CHN2: variants seen among roughly 807,000 people sequenced by gnomAD.
The protein encoded by CHN2 is chimerin 2.
CHN2 carries 35 observed loss-of-function variants against 56.3 expected under a neutral mutation model. The observed-to-expected ratio is 0.62, with a 90% CI of 0.47 to 0.82. The LOEUF (loss-of-function observed/expected upper bound fraction) is 0.82. Ranked by LOEUF, CHN2 falls within the 40% of genes least tolerant of loss-of-function variation. The pLI is 0.00. For missense variants in CHN2, 491 were observed against 580.5 expected, an observed-to-expected ratio of 0.85 and a Z score of 1.58; for synonymous variants, 210 against 212.8, an observed-to-expected ratio of 0.99 and a Z score of 0.12.
chr7:29,380,800 C>T (rs1800440701), intron 3 of CHN2: 1 of 152,024 alleles, frequency 6.6e-6, no homozygotes, highest in Non-Finnish European at 1.5e-5. Context: ...GCTCTTTGGG[C>T]TTAAAAGGTA....
intron 1 of CHN2, among the ~76,000 whole-genome samples, chr7:29,345,441 G>A (rs148045531): frequency 5.5e-4 from 84 of 152,280 alleles, no homozygotes; most frequent in African/African-American, 1.8e-3. Flanking sequence ...TCTCTGAGGA[G>A]CCAGAGCATT....
At chr7:29,231,425 C>T (rs1190272580) in intron 1 of CHN2, among the ~76,000 whole-genome samples, 3 of 152,284 alleles carry the variant, frequency 2.0e-5, no homozygotes, top group Admixed American at 6.5e-5. Flanking sequence ...GTCTTATCTA[C>T]GTATCTGTCT....
At chr7:29,425,345 C>T (rs1016109725) in intron 6 of CHN2, among the ~76,000 whole-genome samples, 4 of 152,150 alleles carry the variant, frequency 2.6e-5, no homozygotes, top group Admixed American at 6.5e-5. Context: ...AGCTGAGTCC[C>T]GGAGGGAGGA....
chr7:29,374,867 T>C lies in CHN2; in HGVS notation c.144+6880T>C, dbSNP rs372560574. 5.0e-3 allele frequency among the ~76,000 whole-genome samples: 624 copies of C among 125,280 alleles called. 4 individuals carry two copies. Among genetic ancestry groups the C allele is most frequent in the African/African-American group, 0.016 (550 of 35,368 alleles). The allele number at this position is 125,280 out of a possible 152,430, so 82.2% of individuals were successfully genotyped here. On this transcript the variant is annotated intron_variant, in intron 3 of 12. Transcript: ENST00000222792. ...TTCCTTCCTGCCTCCCTCCCTCCCT[T>C]TCTCCCTTTCTCCCTTTCTCTCTTT...
chr7:29,398,548 AT>A, intron 5 of CHN2, 62 bp downstream of exon 5: 1 of 1,011,658 alleles, frequency 9.9e-7, no homozygotes, highest in Non-Finnish European at 1.6e-6. Context: ...ATGTTTGCCC[AT>A]TTTTAAGAAT....
intron 3 of CHN2, among the ~76,000 whole-genome samples, chr7:29,370,584 G>A (rs1488649904): frequency 6.6e-6 from 1 of 151,950 alleles, no homozygotes; most frequent in South Asian, 2.1e-4. Context: ...CCCTAGCGTG[G>A]TAGCTCCAGT....
intron 6 of CHN2, among the ~76,000 whole-genome samples, chr7:29,416,589 G>A (rs1438290311): frequency 6.6e-6 from 1 of 152,160 alleles, no homozygotes; most frequent in East Asian, 1.9e-4. Context: ...TAGTACAGTA[G>A]GTGTGACCAG....
chr7:29,186,991 A>C (rs775991661), intron 2 of CHN2, among the ~76,000 whole-genome samples: 4 of 152,246 alleles, frequency 2.6e-5, no homozygotes, highest in Non-Finnish European at 5.9e-5. Flanking sequence ...AAATGAGGAT[A>C]ACAATTCTCA....
chr7:29,325,337 C>T (rs920907599), intron 1 of CHN2, among the ~76,000 whole-genome samples: 9 of 152,194 alleles, frequency 5.9e-5, no homozygotes, highest in Non-Finnish European at 1.0e-4. Flanking sequence ...TAGATGTTTT[C>T]GTCCTACCCA....
At chr7:29,398,275 C>T (rs1022200930) in intron 4 of CHN2, 98 bp from the exon 5 acceptor site, 4 of 882,982 alleles carry the variant, frequency 4.5e-6, no homozygotes, top group Middle Eastern at 2.4e-4. Flanking sequence ...GTGGGGCTGT[C>T]GATTCTGGGT....
chr7:29,252,089 C>T (rs1788565024), intron 1 of CHN2, among the ~76,000 whole-genome samples: 1 of 151,972 alleles, frequency 6.6e-6, no homozygotes, highest in South Asian at 2.1e-4. Flanking sequence ...GAATAATGTC[C>T]CCCCAAATTT....
At chr7:29,441,330 T>C (rs1783631954) in intron 6 of CHN2, among the ~76,000 whole-genome samples, 1 of 152,014 alleles carries the variant, frequency 6.6e-6, no homozygotes, top group African/African-American at 2.4e-5. Flanking sequence ...AACAACCTAA[T>C]ATTGGAGTGA....
At chr7:29,396,209 G>A (rs1479508242) in intron 4 of CHN2, among the ~76,000 whole-genome samples, 4 of 152,068 alleles carry the variant, frequency 2.6e-5, no homozygotes, top group African/African-American at 7.2e-5. Flanking sequence ...TTGGGAGACC[G>A]AGGCGGGTTG....
At chr7:29,380,576 C>T (rs1405148348) in intron 3 of CHN2, among the ~76,000 whole-genome samples, 1 of 152,182 alleles carries the variant, frequency 6.6e-6, no homozygotes, top group Admixed American at 6.5e-5. Context: ...AAAAAAGTAA[C>T]TTCTGGGAGA....
intron 2 of CHN2, among the ~76,000 whole-genome samples, chr7:29,357,594 G>C (rs1798407990): frequency 6.6e-6 from 1 of 152,188 alleles, no homozygotes; most frequent in African/African-American, 2.4e-5. Flanking sequence ...GTACAATCTA[G>C]TCAAGGAGAC....
At chr7:29,414,209 C>T (rs1395822792) in intron 6 of CHN2, among the ~76,000 whole-genome samples, 9 of 152,140 alleles carry the variant, frequency 5.9e-5, no homozygotes, top group Admixed American at 5.9e-4. Flanking sequence ...TGATGTTACC[C>T]TCCTGAAGGT....
chr7:29,270,677 TAA>T (rs1299415962), intron 1 of CHN2, among the ~76,000 whole-genome samples: 13 of 33,428 alleles, frequency 3.9e-4, no homozygotes, highest in South Asian at 1.3e-3. Context: ...AAAATAATAA[TAA>T]AATAAAAAAT....
intron 3 of CHN2, among the ~76,000 whole-genome samples, chr7:29,391,018 A>C (rs1469448853): frequency 1.1e-4 from 16 of 152,202 alleles, no homozygotes; most frequent in Non-Finnish European, 2.9e-5. Context: ...GACTCCTGTG[A>C]GTAAAAAGTT....
chr7:29,355,854 G>C (rs1439246130), intron 2 of CHN2, among the ~76,000 whole-genome samples: 2 of 129,424 alleles, frequency 1.5e-5, no homozygotes, highest in African/African-American at 5.9e-5. Flanking sequence ...CTCAATCTCA[G>C]CTCACTGCAA....
Sources: gnomAD v4.1 joint callset for allele counts (sites outside exome capture counted in the v4.1 genomes callset) on GRCh38, gnomAD v4.1.1 for gene constraint, MANE v1.5 for transcripts, NCBI Gene and HGNC (gene_info 2026-07-23, HGNC 2026-07-21) for gene names.